SELENOO: variants seen among roughly 807,000 people sequenced by gnomAD.
The protein encoded by SELENOO is protein adenylyltransferase SelO, mitochondrial.
In SELENOO, 74 loss-of-function variants were observed where a neutral mutation model predicts 58.7. That is an observed-to-expected ratio of 1.26 (90% confidence interval 1.04 to 1.53). SELENOO has a LOEUF of 1.53. SELENOO is among the 40% of genes most tolerant of loss of function. SELENOO has a pLI of 0.00. For synonymous variants in SELENOO, 543 were observed against 453.2 expected, an observed-to-expected ratio of 1.20 and a Z score of -2.52; for missense variants, 1,149 against 970.0, an observed-to-expected ratio of 1.18 and a Z score of -2.45.
Position 50,210,775 on chromosome 22 carries a change from C to G in SELENOO, c.1215C>G (p.Ile405Met). Reference protein sequence around the residue: ...PELPLELGEAILAEEFDAEFQ... With the variant: ...PELPLELGEAMLAEEFDAEFQ... ...TGCCCCTGGAGCTGGGGGAGGCCAT[C>G]CTGGCCGAGGAGTTTGACGCCGAGT... The change falls in exon 5 of 9, where the codon ATC becomes ATG. Residue 405 changes from isoleucine (I) to methionine (M), a missense_variant. Ile to Met is a conservative substitution (Grantham distance 10). Coordinates refer to ENST00000380903, the MANE Select transcript of SELENOO (RefSeq NM_031454.2). 4 of 1,613,844 alleles carry G rather than the reference C, an allele frequency of 2.5e-6. No homozygotes were observed. The highest frequency in any genetic ancestry group is 3.4e-6 in the Non-Finnish European group (4 of 1,180,016).
At chr22:50,216,324 C>T (rs551684096) in intron 6 of SELENOO, among the ~76,000 whole-genome samples, 1 of 152,382 alleles carries the variant, frequency 6.6e-6, no homozygotes, top group South Asian at 2.1e-4. Flanking sequence ...AGCATAAACC[C>T]CCTCCACTGG....
chr22:50,202,930 TAAAG>T (rs760908436), intron 1 of SELENOO, among the ~76,000 whole-genome samples: 23 of 152,160 alleles, frequency 1.5e-4, no homozygotes, highest in Admixed American at 4.6e-4. Flanking sequence ...ATGAAGAAAA[TAAAG>T]AAAACATAAA....
chr22:50,217,111 C>T lies in SELENOO; in HGVS notation c.1828C>T (p.Arg610Cys), dbSNP rs772001158. 4.6e-5 allele frequency: 74 copies of T among 1,612,852 alleles called. No individual in the cohort carries two copies. The highest frequency in any genetic ancestry group is 5.3e-5 in the Non-Finnish European group (63 of 1,179,912). ...IAQNAIEAAE[R>C]GDFSEVRRVL... is the part of the protein sequence containing the mutation. ...GCAGAATGCCATCGAGGCTGCCGAG[C>T]GCGGGGACTTCTCAGAGGCAAGCAC... The change falls in exon 8 of 9, where the codon CGC (arginine) becomes TGC (cysteine). Residue 610 changes from arginine to cysteine, a missense_variant. Coordinates refer to ENST00000380903, the MANE Select transcript of SELENOO (RefSeq NM_031454.2).
chr22:50,201,490 C>T lies in SELENOO; in HGVS notation c.454C>T (p.Leu152=). ...CCAATTCGGCCAGTTCGCCGGGCAGCTGGGCGACGGCGCCGCCATGTACCT... is the reference window on the plus strand; with the variant it reads ...CCAATTCGGCCAGTTCGCCGGGCAGTTGGGCGACGGCGCCGCCATGTACCT... The part of the protein sequence containing the change: ...GHQFGQFAGQ[L]GDGAAMYLGE... Residue 152 remains leucine, a synonymous_variant, in exon 1 of 9, where the codon CTG becomes TTG. Transcript: ENST00000380903. The T allele has an allele frequency of 2.8e-6, 4 of 1,425,076 alleles. No individual in the cohort carries two copies. The highest frequency in any genetic ancestry group is 3.7e-6 in the Non-Finnish European group (4 of 1,087,554). 88.3% of individuals were successfully genotyped at this position (1,425,076 alleles called of 1,614,324 possible).
At chr22:50,216,052 G>C (rs2064407861) in intron 6 of SELENOO, among the ~76,000 whole-genome samples, 185 bp downstream of exon 6, 1 of 152,204 alleles carries the variant, frequency 6.6e-6, no homozygotes, top group South Asian at 2.1e-4. Context: ...TGGTCACAGA[G>C]TAGAGAGTGG....
At position 50,216,731 on chromosome 22, in the gene SELENOO, C is replaced by G. The variant is rs893456127; in HGVS notation, c.1543C>G (p.Gln515Glu). 3.7e-6 allele frequency: 6 copies of G among 1,604,362 alleles called. No homozygotes were observed. The highest frequency in any genetic ancestry group is 3.4e-6 in the Non-Finnish European group (4 of 1,178,012). ...MMLMLAQSNP[Q>E]LFALMGTRAG... ...GCTGATGCTGGCGCAGTCAAACCCG[C>G]AGCTGTTCGCGCTTATGGGCACCCG... The change falls in exon 7 of 9, where the codon CAG (glutamine) becomes GAG (glutamate). Residue 515 changes from glutamine to glutamate, a missense_variant. Transcript: ENST00000380903.
At chr22:50,206,213 T>A in intron 1 of SELENOO, 104 bp from the exon 2 acceptor site, 1 of 983,514 alleles carries the variant, frequency 1.0e-6, no homozygotes, top group Middle Eastern at 3.2e-4. Context: ...ACGTGCAAGC[T>A]GCTCACGTTA....
intron 2 of SELENOO, among the ~76,000 whole-genome samples, chr22:50,207,414 G>A (rs1000587128): frequency 1.3e-5 from 2 of 152,054 alleles, no homozygotes; most frequent in Non-Finnish European, 2.9e-5. Context: ...CTGAGCCACC[G>A]CGCCCGGCCC....
chr22:50,216,554 G>T (rs1302833069), intron 6 of SELENOO, 137 bp from the exon 7 acceptor site: 3 of 781,618 alleles, frequency 3.8e-6, no homozygotes, highest in Admixed American at 5.2e-5. Context: ...GGGGTTCCAG[G>T]GACCTCGGGG....
chr22:50,216,074 C>T (rs548963988), intron 6 of SELENOO, among the ~76,000 whole-genome samples: 4 of 152,228 alleles, frequency 2.6e-5, no homozygotes, highest in Admixed American at 2.0e-4. Context: ...GAGGCTGACA[C>T]AGGTGTGGGG....
intron 3 of SELENOO, chr22:50,209,136 G>T (rs1393413621): frequency 6.0e-6 from 1 of 166,752 alleles, no homozygotes; most frequent in African/African-American, 2.4e-5. Flanking sequence ...GGACACCACA[G>T]ACGTCCCACA....
intron 4 of SELENOO, 46 bp downstream of exon 4, chr22:50,210,357 G>A: frequency 6.3e-7 from 1 of 1,593,974 alleles, no homozygotes; most frequent in Non-Finnish European, 8.5e-7. Flanking sequence ...CAGGGCTGGG[G>A]GGTGCGGGCT....
At chr22:50,211,958 C>T (rs558024603) in intron 5 of SELENOO, among the ~76,000 whole-genome samples, 10 of 152,332 alleles carry the variant, frequency 6.6e-5, no homozygotes, top group South Asian at 2.1e-4. Flanking sequence ...CCACCTCAGC[C>T]GCCCAAAGTA....
chr22:50,207,187 A>T (rs1432325589), intron 2 of SELENOO, among the ~76,000 whole-genome samples: 2 of 151,736 alleles, frequency 1.3e-5, no homozygotes, highest in Admixed American at 1.3e-4. Flanking sequence ...CAGTGGCGTG[A>T]TCTTGGCTCA....
rs1238385784 is a variant in SELENOO, at chr22:50,206,524, A to G, written c.758+4A>G. On this transcript the variant is annotated splice_donor_region_variant and intron_variant, in intron 2 of 8. Coordinates refer to ENST00000380903, the MANE Select transcript of SELENOO (RefSeq NM_031454.2). ...GTGTAGCTTCCACTTTCATAAGGTA[A>G]TGCCGGGGGCCTTTCGGCCTGTCTA... 1.9e-6 allele frequency: 3 copies of G among 1,611,742 alleles called. No homozygotes were observed. Among genetic ancestry groups the G allele is most frequent in the East Asian group, 2.2e-5 (1 of 44,830 alleles).
Position 50,215,729 on chromosome 22 carries a change from C to T in SELENOO, c.1364C>T (p.Thr455Ile). Reference sequence around the variant, plus strand: ...GCCTGTGTTCCAGGTGCCGACTTCACAAACACCTTCTACTTGCTGAGCTCC... The same window carrying T: ...GCCTGTGTTCCAGGTGCCGACTTCATAAACACCTTCTACTTGCTGAGCTCC... ...ETMHLTGADF[T>I]NTFYLLSSFP... Residue 455 changes from threonine to isoleucine, a missense_variant, in exon 6 of 9, where the codon ACA becomes ATA. Physicochemically the swap from Thr to Ile is moderately conservative, Grantham distance 89. Transcript: ENST00000380903. 2 of 1,597,468 alleles carry T rather than the reference C, an allele frequency of 1.3e-6. No homozygotes were observed. The highest frequency in any genetic ancestry group is 2.2e-5 in the South Asian group (2 of 90,520).
At chr22:50,212,005 A>G (rs2064374520) in intron 5 of SELENOO, among the ~76,000 whole-genome samples, 1 of 152,214 alleles carries the variant, frequency 6.6e-6, no homozygotes, top group Non-Finnish European at 1.5e-5. Context: ...ACCCAGCCAT[A>G]TGCTGTATAA....
intron 5 of SELENOO, among the ~76,000 whole-genome samples, chr22:50,214,422 C>T (rs2064392065): frequency 6.6e-6 from 1 of 152,196 alleles, no homozygotes. Context: ...GAGTTCGAGA[C>T]CAGTTTGGCC....
rs1171485144 is a variant in SELENOO at position 50,204,915 on chromosome 22, TAAGA to T, written c.555-1396_555-1393del. On this transcript the variant is annotated intron_variant, in intron 1 of 8. Transcript: ENST00000380903. The stretch of plus-strand genomic sequence containing the variant: ...CATACAGTGGAATATTATTCATCCT[TAAGA>T]AAGAAGATGCTGATATGCTACAACA... Among the ~76,000 whole-genome samples the T allele has an allele frequency of 3.9e-5, 6 of 152,340 alleles. No homozygotes were observed. The East Asian group carries it at 9.6e-4, about 24-fold the overall frequency.
Sources: allele counts gnomAD v4.1 joint callset (sites outside exome capture counted in the v4.1 genomes callset), GRCh38; gene constraint gnomAD v4.1.1; transcripts MANE v1.5; gene names NCBI Gene and HGNC (gene_info 2026-07-23, HGNC 2026-07-21).